Variants in CLUL1 observed in about 807,000 individuals in gnomAD.
CLUL1 encodes clusterin like 1, also known as clusterin-like protein 1.
A neutral mutation model predicts 49.4 loss-of-function variants in CLUL1; 43 were observed. The observed-to-expected ratio is 0.87, with a 90% CI of 0.68 to 1.12. The LOEUF is 1.12. CLUL1 is among the 50% of genes most tolerant of loss of function. The probability of loss-of-function intolerance (pLI) is 0.00; values close to 1 mark genes in which losing one functional copy is unlikely to be tolerated. For synonymous variants in CLUL1, 192 were observed against 184.9 expected (o/e 1.04, Z -0.31); for missense variants, 486 against 544.4 (o/e 0.89, Z 1.07).
At position 613,046 on chromosome 18, in the gene CLUL1, G is replaced by GTA. The variant is rs575677150; in HGVS notation, c.-13-4940_-13-4939dup. On this transcript the variant is annotated intron_variant, in intron 2 of 9. Coordinates refer to ENST00000692774, the MANE Select transcript of CLUL1 (RefSeq NM_001393344.1). ...AAGTGGAATATAATTTTCTCATTTTGTATTCAAACTAGATCTTTTTCATGA... is the reference window on the plus strand; with the variant it reads ...AAGTGGAATATAATTTTCTCATTTTGTATATTCAAACTAGATCTTTTTCATGA... The GTA allele has an allele frequency of 8.0e-4, 258 of 321,358 alleles. 1 individual carries two copies. The highest frequency in any genetic ancestry group is 2.6e-3 in the Admixed American group (52 of 20,178). 19.9% of individuals were successfully genotyped at this position (321,358 alleles called of 1,614,324 possible).
Position 641,472 on chromosome 18 carries a change from G to C in CLUL1, c.1140G>C (p.Gly380=), listed in dbSNP as rs1421865602. ...DTAYLVEKMR[G]QFGWVSELAN... ...CCTATCTGGTGGAGAAGATGAGAGGGCAATTTGGCTGGGTGTCTGAACTGG... is the reference window on the plus strand; with the variant it reads ...CCTATCTGGTGGAGAAGATGAGAGGCCAATTTGGCTGGGTGTCTGAACTGG... Residue 380 remains glycine, a synonymous_variant, in exon 8 of 10, where the codon GGG becomes GGC. Transcript: ENST00000692774. The C allele has an allele frequency of 1.2e-6, 2 of 1,614,080 alleles. No homozygotes were observed. The highest frequency in any genetic ancestry group is 1.3e-5 in the African/African-American group (1 of 74,916).
In CLUL1 at chr18:627,455, C is replaced by T. The variant is rs1214175465; in HGVS notation, c.782C>T (p.Ser261Phe). ...CAGCTGTTTTGTAATTTCAGTGTCTCTATTTATGAAAGTGTCAGTGAAACA... is the reference window on the plus strand; with the variant it reads ...CAGCTGTTTTGTAATTTCAGTGTCTTTATTTATGAAAGTGTCAGTGAAACA... ...FFQLFCNFSV[S>F]IYESVSETIT... is the part of the protein sequence containing the mutation. Residue 261 changes from serine to phenylalanine, a missense_variant, in exon 6 of 10, where the codon TCT becomes TTT. Coordinates refer to ENST00000692774, the MANE Select transcript of CLUL1 (RefSeq NM_001393344.1). The T allele has an allele frequency of 7.4e-6, 12 of 1,613,626 alleles. No individual in the cohort carries two copies. The highest frequency in any genetic ancestry group is 1.0e-5 in the Non-Finnish European group (12 of 1,179,718).
At chr18:610,112 T>C (rs191784886) in intron 2 of CLUL1, among the ~76,000 whole-genome samples, 286 of 152,278 alleles carry the variant, frequency 1.9e-3, no homozygotes, top group South Asian at 4.8e-3. Context: ...ATTTTACCCA[T>C]CCTGCTGTCA....
intron 4 of CLUL1, 28 bp downstream of exon 4, chr18:619,389 C>T: frequency 1.3e-6 from 2 of 1,594,838 alleles, no homozygotes; most frequent in Non-Finnish European, 1.7e-6. Flanking sequence ...AATGTCTGTT[C>T]TTACACAGAT....
At chr18:615,399 G>A (rs1160409129) in intron 2 of CLUL1, among the ~76,000 whole-genome samples, 2 of 152,224 alleles carry the variant, frequency 1.3e-5, no homozygotes, top group Non-Finnish European at 2.9e-5. Flanking sequence ...ATCTTTCTAT[G>A]TGTGTGATTG....
intron 6 of CLUL1, among the ~76,000 whole-genome samples, chr18:628,124 G>A (rs190979869): frequency 6.6e-6 from 1 of 152,334 alleles, no homozygotes; most frequent in East Asian, 1.9e-4. Context: ...ACCATGCATG[G>A]CCATTTCCCT....
At position 606,643 on chromosome 18, in the gene CLUL1, C is replaced by T. The variant is rs879461951; in HGVS notation, c.-135-335C>T. 6.6e-5 allele frequency among the ~76,000 whole-genome samples: 10 copies of T among 152,152 alleles called. No individual in the cohort carries two copies. The highest frequency in any genetic ancestry group is 1.2e-4 in the Non-Finnish European group (8 of 68,030). On this transcript the variant is annotated intron_variant, in intron 1 of 9. Coordinates refer to ENST00000692774, the MANE Select transcript of CLUL1 (RefSeq NM_001393344.1). This position sits in a 1 kb window ranked among gnomAD's most constrained non-coding sequence, Gnocchi z 4.1. ...CCAGGGCTCGCCCCAGAACAACCAC[C>T]GGCTTCTTTCAGTGTAGCCAAAAGG...
At chr18:626,836 GAGTGACAGAGCAAGACTCCATCTCAAAT>G (rs2073728688) in intron 5 of CLUL1, among the ~76,000 whole-genome samples, 1 of 141,100 alleles carries the variant, frequency 7.1e-6, no homozygotes, top group Admixed American at 8.0e-5. Flanking sequence ...ACTCCAGCCT[GAGTGACAGAGCAAGACTCCATCTCAAAT>G]AAGAAAGAAA....
rs75693329 is a variant in CLUL1, at chr18:622,793, G to C, written c.256-2072G>C. ...AGGTATAATAATAGATGCCTTGCTT[G>C]TTTAGCTCATTTAATGCAAAGACCT... On this transcript the variant is annotated intron_variant, in intron 4 of 9. Coordinates refer to ENST00000692774, the MANE Select transcript of CLUL1 (RefSeq NM_001393344.1). Among the ~76,000 whole-genome samples the C allele has an allele frequency of 9.7e-3, 1,474 of 152,268 alleles. 7 individuals carry two copies. The highest frequency in any genetic ancestry group is 0.012 in the Non-Finnish European group (835 of 68,022).
chr18:614,334 G>GGGAA (rs55742414), intron 2 of CLUL1, among the ~76,000 whole-genome samples: 116,368 of 145,890 alleles, frequency 0.8, 49,285 homozygotes, highest in East Asian at 0.96. Flanking sequence ...AAGGAAGGGA[G>GGGAA]GGAAGGAAGG....
At chr18:604,383 C>T (rs1396139609) in intron 1 of CLUL1, among the ~76,000 whole-genome samples, 2 of 152,138 alleles carry the variant, frequency 1.3e-5, no homozygotes, top group African/African-American at 2.4e-5. Flanking sequence ...GATTCATATA[C>T]AATGGATACT....
chr18:649,124 A>G (rs924311603), intron 9 of CLUL1, among the ~76,000 whole-genome samples: 29 of 151,946 alleles, frequency 1.9e-4, no homozygotes, highest in Non-Finnish European at 5.9e-5. Context: ...AATTTTGTCA[A>G]TTTTCTGATT....
At chr18:613,580 G>A (rs192827773) in intron 2 of CLUL1, among the ~76,000 whole-genome samples, 24 of 150,348 alleles carry the variant, frequency 1.6e-4, no homozygotes, top group Non-Finnish European at 2.1e-4. Flanking sequence ...TCAGCCTCCC[G>A]AGTAGCCAAG....
chr18:625,633 T>G (rs2073663581), intron 5 of CLUL1, among the ~76,000 whole-genome samples: 1 of 152,070 alleles, frequency 6.6e-6, no homozygotes. Flanking sequence ...CCTTTGGTTA[T>G]CTTCTGAGCA....
intron 8 of CLUL1, 118 bp from the exon 9 acceptor site, chr18:644,792 C>T: frequency 1.6e-6 from 1 of 642,792 alleles, no homozygotes; most frequent in South Asian, 2.8e-5. Flanking sequence ...CTAGGAATGC[C>T]AGGACTAATC....
chr18:619,240 C>T lies in CLUL1; in HGVS notation c.134C>T (p.Ala45Val), dbSNP rs946717843. The change falls in exon 4 of 10, where the codon GCA becomes GTA. Residue 45 changes from alanine (A) to valine (V), a missense_variant. Ala to Val is a moderately conservative substitution (Grantham distance 64). Transcript: ENST00000692774. ...TTTTCTGAGGTGGGGGAGATAGATG[C>T]AGATGAAGAGGTGAAGAAGGCTTTG... ...KSFSEVGEID[A>V]DEEVKKALTG... The T allele has an allele frequency of 6.2e-7, 1 of 1,613,414 alleles. No homozygotes were observed. Among genetic ancestry groups the T allele is most frequent in the Non-Finnish European group, 8.5e-7 (1 of 1,179,772 alleles).
chr18:607,799 C>T (rs1431546728), intron 2 of CLUL1, among the ~76,000 whole-genome samples: 3 of 152,176 alleles, frequency 2.0e-5, no homozygotes, highest in South Asian at 2.1e-4. Flanking sequence ...TGGTGTTAAG[C>T]GATCCTCCCA....
chr18:648,806 A>T (rs1016363783), intron 9 of CLUL1, among the ~76,000 whole-genome samples: 1 of 151,930 alleles, frequency 6.6e-6, no homozygotes, highest in African/African-American at 2.4e-5. Context: ...ACAGGTGTGC[A>T]CCACCACACT....
chr18:628,722 C>T (rs2073891622), intron 6 of CLUL1, among the ~76,000 whole-genome samples: 1 of 144,226 alleles, frequency 6.9e-6, no homozygotes, highest in Non-Finnish European at 1.5e-5. Flanking sequence ...ACCTCTGCCT[C>T]CTGGGTTCAA....
Sources: allele counts gnomAD v4.1 joint callset (sites outside exome capture counted in the v4.1 genomes callset), GRCh38; gene constraint gnomAD v4.1.1; non-coding constraint Gnocchi (gnomAD v3.1); transcripts MANE v1.5; gene names NCBI Gene and HGNC (gene_info 2026-07-23, HGNC 2026-07-21).